KIAA1217: variants seen among roughly 807,000 people sequenced by gnomAD.
KIAA1217 encodes KIAA1217, also known as sickle tail protein homolog.
A neutral mutation model predicts 163.9 loss-of-function variants in KIAA1217; 88 were observed. That is an observed-to-expected ratio of 0.54 (90% CI 0.45 to 0.64). KIAA1217 has a LOEUF of 0.64. Ranked by LOEUF, KIAA1217 falls within the 30% of genes least tolerant of loss-of-function variation. KIAA1217 has a pLI of 0.00. For missense variants in KIAA1217, 2,372 were observed against 2,475.0 expected (o/e 0.96, Z 0.88); for synonymous variants, 903 against 923.1 (o/e 0.98, Z 0.39).
intron 5 of KIAA1217, among the ~76,000 whole-genome samples, chr10:24,439,175 C>G (rs946717812): frequency 1.3e-5 from 2 of 152,060 alleles, no homozygotes; most frequent in African/African-American, 4.8e-5. Context: ...TAATGCAGGT[C>G]CACTAGAAAG....
chr10:24,178,737 G>A lies in KIAA1217; in HGVS notation c.-170-40889G>A, dbSNP rs568449332. On this transcript the variant is annotated intron_variant, in intron 2 of 18. Coordinates refer to the KIAA1217 transcript ENST00000376462. ...GCACCCATGGTCTTAGAACTAAGTGGCTCTGTGATATGACATACATTTCAC... is the reference window on the plus strand; with the variant it reads ...GCACCCATGGTCTTAGAACTAAGTGACTCTGTGATATGACATACATTTCAC... Among the ~76,000 whole-genome samples the A allele has an allele frequency of 5.9e-5, 9 of 152,236 alleles. No individual in the cohort carries two copies. In the South Asian group the frequency reaches 1.2e-3, roughly 21 times the overall value.
intron 1 of KIAA1217, among the ~76,000 whole-genome samples, chr10:23,895,304 A>G (rs1362487061): frequency 1.3e-5 from 2 of 152,186 alleles, no homozygotes; most frequent in African/African-American, 4.8e-5. Flanking sequence ...AGAAAAAAAC[A>G]AACAACCCCA....
chr10:24,544,043 C>T lies in KIAA1217; in HGVS notation c.4773C>T (p.Thr1591=), dbSNP rs375368066. 9.9e-5 allele frequency: 160 copies of T among 1,613,898 alleles called. 1 individual carries two copies. Among genetic ancestry groups the T allele is most frequent in the African/African-American group, 1.3e-4 (10 of 74,856 alleles). Residue 1591 remains threonine, a synonymous_variant, in exon 19 of 21, where the codon ACC becomes ACT. Coordinates refer to ENST00000376454, the MANE Select transcript of KIAA1217 (RefSeq NM_019590.5). The part of the protein sequence containing the change: ...QLAALTQAIR[T]GTKTGKKTLQ... ...CCGCTCTCACTCAAGCCATTCGCAC[C>T]GGAACTAAAACAGGGAAGAAGACTT...
At chr10:23,854,476 A>G (rs967618907) in intron 1 of KIAA1217, among the ~76,000 whole-genome samples, 2 of 152,172 alleles carry the variant, frequency 1.3e-5, no homozygotes, top group Non-Finnish European at 2.9e-5. Context: ...GGTGCTGAAA[A>G]AAATGTATAT....
At chr10:24,463,357 G>A (rs141612755) in intron 5 of KIAA1217, among the ~76,000 whole-genome samples, 18 of 152,256 alleles carry the variant, frequency 1.2e-4, no homozygotes, top group East Asian at 9.7e-4. Flanking sequence ...TAGAAATAAC[G>A]CTCATCTTAA....
Position 24,219,827 on chromosome 10 carries a change from A to C in KIAA1217, c.272A>C (p.Glu91Ala). 6.2e-7 allele frequency: 1 copy of C among 1,613,856 alleles called. No individual in the cohort carries two copies. Among genetic ancestry groups the C allele is most frequent in the Non-Finnish European group, 8.5e-7 (1 of 1,179,864 alleles). The change falls in exon 2 of 21, where the codon GAA (glutamate) becomes GCA (alanine). Residue 91 changes from glutamate to alanine, a missense_variant. Glu to Ala is a moderately radical substitution (Grantham distance 107). This residue lies in a region of KIAA1217 where 1,431 missense variants were observed against 1,470.3 expected (regional missense o/e 0.97). Transcript: ENST00000376454. ...ACATCTGAGATGGATCGGAAGAGAG[A>C]AGCGTTCCTAGAACATCTGAAGCAG... ...MQTSEMDRKR[E>A]AFLEHLKQKY...
chr10:23,867,104 G>C (rs1268996084), intron 1 of KIAA1217, among the ~76,000 whole-genome samples: 1 of 150,818 alleles, frequency 6.6e-6, no homozygotes, highest in East Asian at 2.0e-4. Context: ...GTGGTGTTTG[G>C]ATTTTTTGTT....
At chr10:24,182,035 C>T (rs1221406471) in intron 2 of KIAA1217, among the ~76,000 whole-genome samples, 1 of 152,040 alleles carries the variant, frequency 6.6e-6, no homozygotes, top group African/African-American at 2.4e-5. Context: ...GTTAAAGGAC[C>T]ACAAATGTGT....
intron 2 of KIAA1217, among the ~76,000 whole-genome samples, chr10:24,023,396 A>C (rs933870937): frequency 1.1e-4 from 17 of 151,704 alleles, no homozygotes; most frequent in African/African-American, 4.1e-4. Flanking sequence ...ATGTATACAC[A>C]GTTGACCCTT....
chr10:24,074,923 T>C (rs1445548064), intron 2 of KIAA1217, among the ~76,000 whole-genome samples: 4 of 152,000 alleles, frequency 2.6e-5, no homozygotes, highest in Admixed American at 6.6e-5. Flanking sequence ...GGCCTTGAAC[T>C]CCTGAGCTCA....
chr10:23,904,879 G>T (rs1055170765), intron 1 of KIAA1217, among the ~76,000 whole-genome samples: 1 of 151,692 alleles, frequency 6.6e-6, no homozygotes, highest in Non-Finnish European at 1.5e-5. Flanking sequence ...AAAAGACTCA[G>T]TTTAAAAAAC....
intron 1 of KIAA1217, among the ~76,000 whole-genome samples, chr10:23,811,573 G>A (rs904129615): frequency 6.6e-6 from 1 of 151,974 alleles, no homozygotes; most frequent in Non-Finnish European, 1.5e-5. Flanking sequence ...AGGGAGGAAA[G>A]CTAATCCTTA....
intron 3 of KIAA1217, among the ~76,000 whole-genome samples, chr10:24,398,163 C>T (rs924825036): frequency 6.6e-6 from 1 of 152,134 alleles, no homozygotes; most frequent in Non-Finnish European, 1.5e-5. Context: ...AACACATATT[C>T]GTATGTTCTA....
intron 2 of KIAA1217, among the ~76,000 whole-genome samples, chr10:24,330,347 A>G (rs1212791871): frequency 6.6e-6 from 1 of 151,616 alleles, no homozygotes; most frequent in South Asian, 2.1e-4. Context: ...AAGCAAGGCT[A>G]TGTTACCCTT....
chr10:23,935,601 A>T (rs1843494891), intron 1 of KIAA1217, among the ~76,000 whole-genome samples: 1 of 152,220 alleles, frequency 6.6e-6, no homozygotes, highest in Non-Finnish European at 1.5e-5. Context: ...AAGTGCATAT[A>T]ACAGCAAGGG....
intron 2 of KIAA1217, among the ~76,000 whole-genome samples, chr10:24,377,057 G>T (rs1412897755): frequency 6.6e-6 from 1 of 152,184 alleles, no homozygotes; most frequent in Non-Finnish European, 1.5e-5. Flanking sequence ...AGATGCAGAA[G>T]AGGAGAGAGC....
chr10:23,856,514 G>A (rs533281002), intron 1 of KIAA1217, among the ~76,000 whole-genome samples: 16 of 152,346 alleles, frequency 1.1e-4, no homozygotes, highest in Middle Eastern at 3.4e-3. Context: ...CTCCAGCTGC[G>A]TGCTGGGAGA....
At chr10:24,304,578 G>C (rs2041788439) in intron 2 of KIAA1217, among the ~76,000 whole-genome samples, 1 of 152,016 alleles carries the variant, frequency 6.6e-6, no homozygotes, top group Non-Finnish European at 1.5e-5. Flanking sequence ...CTGGCCTCAA[G>C]TGCTCCTCCT....
At chr10:24,392,680 T>C (rs1172306685) in intron 3 of KIAA1217, among the ~76,000 whole-genome samples, 2 of 152,190 alleles carry the variant, frequency 1.3e-5, no homozygotes, top group Admixed American at 1.3e-4. Context: ...TATGTTCCAA[T>C]AATACCAGCT....
Sources: allele counts gnomAD v4.1 joint callset (sites outside exome capture counted in the v4.1 genomes callset), GRCh38; gene constraint gnomAD v4.1.1; regional missense constraint gnomAD v4.1.1; transcripts MANE v1.5; gene names NCBI Gene and HGNC (gene_info 2026-07-23, HGNC 2026-07-21).